The following CPNE4 variants were observed in gnomAD, a reference collection of about 807,000 sequenced individuals.
The protein encoded by CPNE4 is copine-4.
Under a neutral mutation model 67.9 loss-of-function variants are expected in CPNE4, and 25 were observed. The ratio of observed to expected loss-of-function variants is 0.37; its 90% confidence interval spans 0.27 to 0.51. The LOEUF is 0.51. Among genes scored for constraint, CPNE4 ranks in the 20% least tolerant of loss-of-function variants. The pLI, the probability that CPNE4 is intolerant of heterozygous loss-of-function variation, is 0.93. For missense variants in CPNE4, 464 were observed against 690.8 expected, an observed-to-expected ratio of 0.67 and a Z score of 3.68; for synonymous variants, 242 against 244.9, an observed-to-expected ratio of 0.99 and a Z score of 0.11.
intron 2 of CPNE4, among the ~76,000 whole-genome samples, chr3:131,861,854 C>A (rs2086702845): frequency 1.3e-5 from 2 of 152,074 alleles, no homozygotes; most frequent in South Asian, 4.1e-4. Context: ...TAAAAATGGG[C>A]AAGCTTTGGC....
At chr3:131,783,406 C>A (rs1008039206) in intron 2 of CPNE4, among the ~76,000 whole-genome samples, 1 of 152,050 alleles carries the variant, frequency 6.6e-6, no homozygotes, top group East Asian at 1.9e-4. Context: ...AAGGTTAAAG[C>A]AGTTGTAACA....
At chr3:131,812,936 G>C (rs973449916) in intron 2 of CPNE4, among the ~76,000 whole-genome samples, 3 of 152,078 alleles carry the variant, frequency 2.0e-5, no homozygotes, top group Admixed American at 6.6e-5. Flanking sequence ...TCCTATATCT[G>C]GGCATATATA....
intron 6 of CPNE4, among the ~76,000 whole-genome samples, chr3:131,673,817 A>G (rs565107293): frequency 4.6e-5 from 7 of 151,864 alleles, no homozygotes; most frequent in Non-Finnish European, 8.8e-5. Context: ...TTTCTCTTCT[A>G]TGATTGCTCC....
At chr3:131,675,577 C>G (rs565561145) in intron 6 of CPNE4, among the ~76,000 whole-genome samples, 1 of 152,104 alleles carries the variant, frequency 6.6e-6, no homozygotes, top group Admixed American at 6.6e-5. Context: ...TTTCTCTTTT[C>G]ATTGTTTTTG....
intron 1 of CPNE4, among the ~76,000 whole-genome samples, chr3:131,984,381 C>T (rs2072991117): frequency 6.6e-6 from 1 of 152,114 alleles, no homozygotes; most frequent in Non-Finnish European, 1.5e-5. Flanking sequence ...CCAAAAAGAG[C>T]AGTGCTTGTG....
At chr3:131,624,813 A>G (rs1196416377) in intron 7 of CPNE4, among the ~76,000 whole-genome samples, 1 of 152,222 alleles carries the variant, frequency 6.6e-6, no homozygotes, top group Non-Finnish European at 1.5e-5. Context: ...ACACTCACAT[A>G]GCACTTTACC....
chr3:131,762,247 G>C (rs977163809), intron 2 of CPNE4, among the ~76,000 whole-genome samples: 1 of 151,982 alleles, frequency 6.6e-6, no homozygotes, highest in African/African-American at 2.4e-5. Context: ...GGGCACCCAG[G>C]AAGACAGTGT....
chr3:131,756,248 C>T (rs181359290), intron 2 of CPNE4, among the ~76,000 whole-genome samples: 1 of 152,304 alleles, frequency 6.6e-6, no homozygotes, highest in East Asian at 1.9e-4. Flanking sequence ...GATACTTCAC[C>T]TGTTCAGCTC....
In CPNE4 at chr3:131,571,053, T is replaced by C. The variant is rs181137748; in HGVS notation, c.927+4018A>G. Among the ~76,000 whole-genome samples, 45 of 152,124 alleles carry C rather than the reference T, an allele frequency of 3.0e-4. 1 individual carries two copies. The highest frequency in any genetic ancestry group is 2.8e-3 in the Admixed American group (43 of 15,258). On this transcript the variant is annotated intron_variant, in intron 10 of 15. Coordinates refer to ENST00000429747, the MANE Select transcript of CPNE4 (RefSeq NM_130808.3). The stretch of plus-strand genomic sequence containing the variant: ...TTCTGTTTACACTCTAACTCCTGGG[T>C]CTCACCTATCTCGTTATGCTGAAGT...
At chr3:131,745,984 T>A (rs2082478496) in intron 2 of CPNE4, among the ~76,000 whole-genome samples, 1 of 152,148 alleles carries the variant, frequency 6.6e-6, no homozygotes, top group Admixed American at 6.5e-5. Context: ...AGAACTGACA[T>A]CTTTATTATT....
chr3:131,809,275 C>T (rs1225892324), intron 2 of CPNE4, among the ~76,000 whole-genome samples: 1 of 151,914 alleles, frequency 6.6e-6, no homozygotes, highest in East Asian at 1.9e-4. Context: ...AAGGATGAGG[C>T]AATAGAGTTA....
At chr3:131,650,772 A>AAAAAAAAAAAT (rs1560048206) in intron 7 of CPNE4, among the ~76,000 whole-genome samples, 5 of 144,580 alleles carry the variant, frequency 3.5e-5, no homozygotes, top group African/African-American at 1.3e-4. Context: ...AAAAAAAAAA[A>AAAAAAAAAAAT]ATTCTATTAT....
At chr3:131,670,284 G>A (rs2080374588) in intron 6 of CPNE4, among the ~76,000 whole-genome samples, 1 of 152,060 alleles carries the variant, frequency 6.6e-6, no homozygotes, top group Non-Finnish European at 1.5e-5. Flanking sequence ...GTTTCTAGAA[G>A]AAAAATCCCA....
At chr3:131,830,764 A>G (rs866633219) in intron 2 of CPNE4, among the ~76,000 whole-genome samples, 3 of 152,094 alleles carry the variant, frequency 2.0e-5, no homozygotes, top group Admixed American at 6.6e-5. Flanking sequence ...TCATAAAATC[A>G]TGTCTATTTT....
intron 15 of CPNE4, chr3:131,537,623 C>A: frequency 3.3e-6 from 1 of 306,014 alleles, no homozygotes. Context: ...TTGGTTTAAT[C>A]CCTTTGCCAT....
At chr3:132,006,604 GTTCA>G (rs1447054850) in intron 1 of CPNE4, among the ~76,000 whole-genome samples, 3 of 151,416 alleles carry the variant, frequency 2.0e-5, no homozygotes, top group African/African-American at 7.3e-5. Flanking sequence ...ATAAAATTGT[GTTCA>G]TTGTTATCCA....
intron 2 of CPNE4, among the ~76,000 whole-genome samples, chr3:131,816,057 C>G (rs1461191054): frequency 6.6e-6 from 1 of 152,098 alleles, no homozygotes; most frequent in Non-Finnish European, 1.5e-5. Flanking sequence ...GCAGTTAGCT[C>G]GTGAGGTTAG....
intron 2 of CPNE4, among the ~76,000 whole-genome samples, chr3:131,856,945 T>C (rs567282140): frequency 3.9e-5 from 6 of 152,040 alleles, no homozygotes; most frequent in Non-Finnish European, 7.4e-5. Context: ...TGATGATATA[T>C]GATTTCATTC....
chr3:131,623,527 C>G (rs930872883), intron 7 of CPNE4, among the ~76,000 whole-genome samples: 1 of 152,182 alleles, frequency 6.6e-6, no homozygotes, highest in Non-Finnish European at 1.5e-5. Flanking sequence ...ACTTCACCTC[C>G]TTACTCCTGG....
Sources: allele counts gnomAD v4.1 joint callset (sites outside exome capture counted in the v4.1 genomes callset), GRCh38; gene constraint gnomAD v4.1.1; transcripts MANE v1.5; gene names NCBI Gene and HGNC (gene_info 2026-07-23, HGNC 2026-07-21).